Variants in ATXN2 observed in about 807,000 individuals in gnomAD.
The protein encoded by ATXN2 is ataxin-2.
Under a neutral mutation model 138.6 loss-of-function variants are expected in ATXN2, and 37 were observed. That is an observed-to-expected ratio of 0.27 (90% CI 0.21 to 0.35). ATXN2 has a LOEUF of 0.35. Among genes scored for constraint, ATXN2 ranks in the 10% least tolerant of loss-of-function variants. The pLI is 1.00. For missense variants in ATXN2, 1,216 were observed against 1,480.3 expected, an observed-to-expected ratio of 0.82 and a Z score of 2.93; for synonymous variants, 549 against 543.7, an observed-to-expected ratio of 1.01 and a Z score of -0.13.
At position 111,579,116 on chromosome 12, in the gene ATXN2, T is replaced by C. The variant is rs138281696; in HGVS notation, c.251+19668A>G. On this transcript the variant is annotated intron_variant, in intron 1 of 24. Coordinates refer to ENST00000673436, the MANE Select transcript of ATXN2 (RefSeq NM_001372574.1). Reference sequence around the variant, plus strand: ...AACAGTTTAGCAATTACTTTTAAAATTAAATAAACACTCACAGGATTATAT... The same window carrying C: ...AACAGTTTAGCAATTACTTTTAAAACTAAATAAACACTCACAGGATTATAT... Among the ~76,000 whole-genome samples the C allele has an allele frequency of 9.3e-3, 1,414 of 152,202 alleles. 10 individuals carry two copies. Among genetic ancestry groups the C allele is most frequent in the Non-Finnish European group, 0.015 (1,000 of 67,996 alleles).
At chr12:111,456,831 T>C (rs1875138535) in intron 22 of ATXN2, among the ~76,000 whole-genome samples, 1 of 152,128 alleles carries the variant, frequency 6.6e-6, no homozygotes, top group Non-Finnish European at 1.5e-5. Context: ...CACTGCAAGC[T>C]CCGCCTCCCG....
rs773708368 is a variant in ATXN2 at position 111,520,961 on chromosome 12, C to T, written c.709G>A (p.Asp237Asn). ...ALENDVSNGW[D>N]PNDMFRYNEE... ...TTATATCGAAACATATCATTGGGAT[C>T]CCATCCATTAGACTAGAAGAAAATG... The change falls in exon 7 of 25, where the codon GAT becomes AAT. Residue 237 changes from aspartate to asparagine, a missense_variant. Physicochemically the swap from Asp to Asn is conservative, Grantham distance 23 (BLOSUM62 1). Coordinates refer to ENST00000673436, the MANE Select transcript of ATXN2 (RefSeq NM_001372574.1). 1.3e-5 allele frequency: 21 copies of T among 1,583,500 alleles called. No homozygotes were observed. The Admixed American group carries it at 1.9e-4, about 14-fold the overall frequency.
At position 111,579,074 on chromosome 12, in the gene ATXN2, T is replaced by C. The variant is rs147464759; in HGVS notation, c.251+19710A>G. Among the ~76,000 whole-genome samples the C allele has an allele frequency of 4.9e-4, 75 of 152,072 alleles. 1 individual carries two copies. Among genetic ancestry groups the C allele is most frequent in the Non-Finnish European group, 1.3e-4 (9 of 68,016 alleles). ...CATACACTGCTAGGGAAAGAAAATA[T>C]AGCAGTCACTTTAGCAAACAGTTTA... On this transcript the variant is annotated intron_variant, in intron 1 of 24. Coordinates refer to ENST00000673436, the MANE Select transcript of ATXN2 (RefSeq NM_001372574.1).
rs1039359504 is a variant in ATXN2 at position 111,598,515 on chromosome 12, G to A, written c.251+269C>T. ...GAACCCCTCCCAACACGCGTGGGGA[G>A]GGGAGGCCGCCCGCTCCCTCCATCT... On this transcript the variant is annotated intron_variant, in intron 1 of 24. Transcript: ENST00000673436. The surrounding 1 kb of genome is among the most constrained non-coding windows in gnomAD (Gnocchi z 4.5). 8 of 984,674 alleles carry A rather than the reference G, an allele frequency of 8.1e-6. No individual in the cohort carries two copies. In the African/African-American group the frequency reaches 1.4e-4, roughly 17 times the overall value. The allele number at this position is 984,674 out of a possible 1,614,324, so 61.0% of individuals were successfully genotyped here. A position where few individuals can be genotyped will look rare whatever the true frequency, so the allele number is the denominator to read the frequency against.
At chr12:111,483,188 A>AAC (rs746562037) in intron 18 of ATXN2, among the ~76,000 whole-genome samples, 5,281 of 118,782 alleles carry the variant, frequency 0.044, 130 homozygotes, top group South Asian at 0.053. Context: ...CCCTGTATCA[A>AAC]ACACATACAC....
chr12:111,560,763 A>C (rs1297229767), intron 1 of ATXN2, among the ~76,000 whole-genome samples: 6 of 152,104 alleles, frequency 3.9e-5, no homozygotes, highest in African/African-American at 4.8e-5. Context: ...CAACAAAAAA[A>C]AAAACGACAA....
intron 21 of ATXN2, 152 bp from the exon 22 acceptor site, chr12:111,457,511 T>C: frequency 1.2e-6 from 1 of 846,122 alleles, no homozygotes; most frequent in East Asian, 2.8e-5. Context: ...AAACCATCCA[T>C]TGTCTTGAAA....
chr12:111,547,966 G>A (rs1470022401), intron 5 of ATXN2, among the ~76,000 whole-genome samples: 1 of 151,638 alleles, frequency 6.6e-6, no homozygotes, highest in Non-Finnish European at 1.5e-5. Context: ...GCCCAGGTGG[G>A]TGGATCACCT....
At chr12:111,464,285 T>C (rs1019593390) in intron 21 of ATXN2, among the ~76,000 whole-genome samples, 1 of 150,120 alleles carries the variant, frequency 6.7e-6, no homozygotes, top group Non-Finnish European at 1.5e-5. Context: ...TGTGTGTGTA[T>C]AAATAAACAT....
At chr12:111,456,872 C>T (rs1366878904) in intron 22 of ATXN2, among the ~76,000 whole-genome samples, 6 of 152,062 alleles carry the variant, frequency 3.9e-5, no homozygotes, top group Non-Finnish European at 5.9e-5. Flanking sequence ...CTCAGCCTCC[C>T]GAGAAGCTGG....
chr12:111,486,688 TG>T, intron 16 of ATXN2, 72 bp downstream of exon 16: 1 of 1,290,756 alleles, frequency 7.7e-7, no homozygotes, highest in Non-Finnish European at 1.1e-6. Context: ...ATGGCAGGTA[TG>T]GAAGAAGGAC....
chr12:111,455,957 C>T (rs762908870), intron 23 of ATXN2, 72 bp downstream of exon 23: 54 of 1,420,580 alleles, frequency 3.8e-5, no homozygotes, highest in African/African-American at 5.6e-5. Flanking sequence ...GCTGGGAGAG[C>T]CTCTAGCTGC....
chr12:111,599,557 CG>C (rs1885166019), upstream of ATXN2: 3 of 1,171,722 alleles, frequency 2.6e-6, no homozygotes, highest in African/African-American at 1.6e-5. Flanking sequence ...AGCGGAGGTG[CG>C]GATAGGGACT....
rs10710242 is a variant in ATXN2, at chr12:111,473,764, GAA to G, written c.2525-3024_2525-3023del. 3.3e-3 allele frequency among the ~76,000 whole-genome samples: 464 copies of G among 139,954 alleles called. 3 individuals carry two copies. Among genetic ancestry groups the G allele is most frequent in the African/African-American group, 0.011 (424 of 40,220 alleles). 91.8% of individuals were successfully genotyped at this position (139,954 alleles called of 152,430 possible). The stretch of plus-strand genomic sequence containing the variant: ...GTACACACATCTGTGAAACATTGGG[GAA>G]AAAAAAAAAAAACCCAATCTGATCA... On this transcript the variant is annotated intron_variant, in intron 18 of 24. Coordinates refer to ENST00000673436, the MANE Select transcript of ATXN2 (RefSeq NM_001372574.1).
chr12:111,470,374 G>C, intron 19 of ATXN2, 134 bp from the exon 20 acceptor site: 1 of 1,258,688 alleles, frequency 7.9e-7, no homozygotes, highest in South Asian at 1.5e-5. Context: ...TTTCTTGGCT[G>C]TTTCCTCTGA....
intron 1 of ATXN2, among the ~76,000 whole-genome samples, chr12:111,588,991 C>CAAAGAAAAAA (rs1884493150): frequency 2.6e-5 from 1 of 38,684 alleles, no homozygotes; most frequent in Admixed American, 5.4e-4. Flanking sequence ...CGAGATTTCT[C>CAAAGAAAAAA]AAAAAAAAAA....
At chr12:111,485,430 GA>G in intron 17 of ATXN2, 99 bp from the exon 18 acceptor site, 2 of 1,220,484 alleles carry the variant, frequency 1.6e-6, no homozygotes, top group South Asian at 2.8e-5. Context: ...CTAGGCATGA[GA>G]AGGTTTCCTG....
chr12:111,591,736 A>G (rs1363416433), intron 1 of ATXN2, among the ~76,000 whole-genome samples: 4 of 151,884 alleles, frequency 2.6e-5, no homozygotes, highest in African/African-American at 9.7e-5. Flanking sequence ...TTTGCCTTCC[A>G]TTTTTAAGAT....
At chr12:111,581,756 T>C (rs1242215696) in intron 1 of ATXN2, 8 of 602,792 alleles carry the variant, frequency 1.3e-5, no homozygotes, top group Admixed American at 9.4e-5. Flanking sequence ...CATCCCAGTG[T>C]TGATCTTTCA....
Sources: allele counts gnomAD v4.1 joint callset (sites outside exome capture counted in the v4.1 genomes callset), GRCh38; gene constraint gnomAD v4.1.1; non-coding constraint Gnocchi (gnomAD v3.1); transcripts MANE v1.5; gene names NCBI Gene and HGNC (gene_info 2026-07-23, HGNC 2026-07-21).